TENM2: variants seen among roughly 807,000 people sequenced by gnomAD.
The protein encoded by TENM2 is teneurin transmembrane protein 2.
TENM2 carries 52 observed loss-of-function variants against 245.2 expected under a neutral mutation model. The observed-to-expected ratio is 0.21, with a 90% CI of 0.17 to 0.27. The LOEUF is 0.27. TENM2 is among the 10% of genes least tolerant of loss of function. TENM2 has a pLI of 1.00. For synonymous variants in TENM2, 1,363 were observed against 1,438.9 expected (o/e 0.95, Z 1.19); for missense variants, 3,046 against 3,666.8 (o/e 0.83, Z 4.37).
chr5:167,524,684 A>C (rs1770986644), intron 2 of TENM2, among the ~76,000 whole-genome samples: 1 of 151,990 alleles, frequency 6.6e-6, no homozygotes, highest in South Asian at 2.1e-4. Flanking sequence ...CTTTCAAAAA[A>C]ATACCAGAGG....
the TENM2 span, among the ~76,000 whole-genome samples, chr5:167,212,424 A>G: frequency 6.6e-6 from 1 of 152,194 alleles, no homozygotes. Flanking sequence ...AATCTACTTG[A>G]TGTATTCTTG....
At chr5:167,943,412 A>G (rs1049406549) in intron 3 of TENM2, among the ~76,000 whole-genome samples, 3 of 152,192 alleles carry the variant, frequency 2.0e-5, no homozygotes, top group African/African-American at 7.2e-5. Flanking sequence ...GAGAGAAAAA[A>G]AGAATGAAAT....
chr5:167,102,975 C>T, the TENM2 span, among the ~76,000 whole-genome samples: 1 of 152,122 alleles, frequency 6.6e-6, no homozygotes, highest in African/African-American at 2.4e-5. Context: ...ATAGTAATTC[C>T]TTGTAACGAT....
At chr5:167,329,653 A>G (rs897071928) in intron 1 of TENM2, among the ~76,000 whole-genome samples, 1 of 149,428 alleles carries the variant, frequency 6.7e-6, no homozygotes, top group Non-Finnish European at 1.5e-5. Context: ...TTGAGTGGGT[A>G]GACATTGGAA....
intron 27 of TENM2, among the ~76,000 whole-genome samples, chr5:168,258,012 G>A (rs1383969105): frequency 6.6e-6 from 1 of 152,158 alleles, no homozygotes; most frequent in African/African-American, 2.4e-5. Context: ...CTCGGGAGGT[G>A]CTGAACTGAG....
At chr5:167,134,205 A>G in the TENM2 span, among the ~76,000 whole-genome samples, 1 of 152,248 alleles carries the variant, frequency 6.6e-6, no homozygotes, top group Non-Finnish European at 1.5e-5. Context: ...TTTGGAAAAA[A>G]ATAATTGGTT....
At position 168,224,377 on chromosome 5, in the gene TENM2, G is replaced by A. The variant is rs951774489; in HGVS notation, c.5109-1711G>A. ...CTCCCCCAACACCTTTAGGCAGCGC[G>A]GTGTACAGCTTAATGTGATTGCACT... On this transcript the variant is annotated intron_variant, in intron 23 of 28. Coordinates refer to ENST00000518659, the Ensembl canonical transcript of TENM2. 5.3e-5 allele frequency among the ~76,000 whole-genome samples: 8 copies of A among 152,146 alleles called. No homozygotes were observed. The East Asian group carries it at 5.8e-4, about 11-fold the overall frequency.
At chr5:167,374,132 ACATAACCT>A (rs1274620729) in intron 1 of TENM2, among the ~76,000 whole-genome samples, 2 of 152,320 alleles carry the variant, frequency 1.3e-5, no homozygotes, top group African/African-American at 4.8e-5. Context: ...TACATACCTA[ACATAACCT>A]CATTTCTGCC....
chr5:167,133,949 T>A, the TENM2 span, among the ~76,000 whole-genome samples: 1 of 152,188 alleles, frequency 6.6e-6, no homozygotes, highest in African/African-American at 2.4e-5. Flanking sequence ...AGTTTTAAAT[T>A]TGACATCTAC....
At chr5:167,883,151 A>G (rs1374938823) in intron 3 of TENM2, among the ~76,000 whole-genome samples, 1 of 152,190 alleles carries the variant, frequency 6.6e-6, no homozygotes, top group African/African-American at 2.4e-5. Flanking sequence ...TGTTGATGGC[A>G]ATCCCATCAA....
the TENM2 span, among the ~76,000 whole-genome samples, chr5:167,240,949 G>A: frequency 2.6e-3 from 395 of 152,284 alleles, 2 homozygotes; most frequent in African/African-American, 9.3e-3. Flanking sequence ...GTCTATAAAA[G>A]CATATCTCCA....
intron 25 of TENM2, chr5:168,232,255 C>CT (rs1764999716): frequency 1.3e-5 from 2 of 152,356 alleles, no homozygotes; most frequent in East Asian, 3.9e-4. Context: ...ATGTCTAGCA[C>CT]ACGAGGACGA....
intron 3 of TENM2, among the ~76,000 whole-genome samples, chr5:167,942,729 C>T (rs909963601): frequency 6.6e-6 from 1 of 152,162 alleles, no homozygotes; most frequent in Non-Finnish European, 1.5e-5. Flanking sequence ...ATTCATGCAA[C>T]ATCATAAGAA....
At chr5:167,917,270 A>C (rs780497253) in intron 3 of TENM2, among the ~76,000 whole-genome samples, 1 of 152,040 alleles carries the variant, frequency 6.6e-6, no homozygotes, top group Non-Finnish European at 1.5e-5. Context: ...GTTCTAGCCC[A>C]AGAGAAAATT....
the TENM2 span, among the ~76,000 whole-genome samples, chr5:167,080,927 T>G: frequency 6.6e-6 from 1 of 152,116 alleles, no homozygotes; most frequent in East Asian, 1.9e-4. Context: ...AGTGGTTATT[T>G]CTGGAAAGAG....
chr5:167,505,013 T>C (rs1473996950), intron 2 of TENM2, among the ~76,000 whole-genome samples: 1 of 152,192 alleles, frequency 6.6e-6, no homozygotes, highest in Non-Finnish European at 1.5e-5. Context: ...TCTTATCAGA[T>C]CTTATAATGG....
chr5:167,189,557 CTCTT>C, the TENM2 span, among the ~76,000 whole-genome samples: 10 of 145,518 alleles, frequency 6.9e-5, no homozygotes, highest in African/African-American at 2.5e-4. Flanking sequence ...TTCTTTCTTT[CTCTT>C]TCTTTTCTTT....
At chr5:168,084,061 C>T (rs1792234036) in intron 7 of TENM2, among the ~76,000 whole-genome samples, 1 of 152,138 alleles carries the variant, frequency 6.6e-6, no homozygotes, top group South Asian at 2.1e-4. Context: ...GAATGATGGC[C>T]TCCAGCTACA....
the TENM2 span, among the ~76,000 whole-genome samples, chr5:167,031,486 A>G: frequency 6.6e-6 from 1 of 152,348 alleles, no homozygotes; most frequent in South Asian, 2.1e-4. Context: ...CATAATTACA[A>G]TTATAACAAG....
Sources: gnomAD v4.1 joint callset for allele counts (sites outside exome capture counted in the v4.1 genomes callset) on GRCh38, gnomAD v4.1.1 for gene constraint, MANE v1.5 for transcripts, NCBI Gene and HGNC (gene_info 2026-07-23, HGNC 2026-07-21) for gene names.